BRD10: variants seen among roughly 807,000 people sequenced by gnomAD.
BRD10 encodes the protein uncharacterized bromodomain-containing protein 10.
At chr9:5,906,329 C>CAAAA in the BRD10 span, among the ~76,000 whole-genome samples, 4 of 132,576 alleles carry the variant, frequency 3.0e-5, no homozygotes, top group South Asian at 2.4e-4. Flanking sequence ...GACTCTGTCT[C>CAAAA]AAAAAAAAAA....
chr9:5,968,196 T>C, the BRD10 span: 1 of 1,612,746 alleles, frequency 6.2e-7, no homozygotes, highest in Middle Eastern at 1.7e-4. Flanking sequence ...GCCCTCATTT[T>C]AGTTAGTTTG....
chr9:6,005,356 C>A, the BRD10 span, among the ~76,000 whole-genome samples: 1 of 151,202 alleles, frequency 6.6e-6, no homozygotes, highest in Admixed American at 6.6e-5. Context: ...ACCAAAAATA[C>A]GAAGATTAGC....
At chr9:5,976,576 T>A in the BRD10 span, among the ~76,000 whole-genome samples, 1 of 152,180 alleles carries the variant, frequency 6.6e-6, no homozygotes, top group East Asian at 1.9e-4. Context: ...TTATAAAACA[T>A]CTCAGACTGT....
At chr9:5,918,815 CAAA>C in the BRD10 span, among the ~76,000 whole-genome samples, 127 of 104,842 alleles carry the variant, frequency 1.2e-3, no homozygotes, top group African/African-American at 3.0e-3. Context: ...ACAGGTGAGT[CAAA>C]AAAAAAAAAA....
At chr9:5,921,334 T>G in the BRD10 span, 5 of 1,613,874 alleles carry the variant, frequency 3.1e-6, no homozygotes, top group African/African-American at 6.7e-5. Context: ...GTGTGCCCAC[T>G]GTAGACGGAA....
the BRD10 span, chr9:5,928,993 G>C: frequency 1.0e-6 from 1 of 981,186 alleles, no homozygotes; most frequent in Non-Finnish European, 1.6e-6. Flanking sequence ...TCCAAAAATC[G>C]TAAATTAAGG....
the BRD10 span, among the ~76,000 whole-genome samples, chr9:5,978,353 GA>G: frequency 1.6e-5 from 2 of 121,968 alleles, no homozygotes; most frequent in East Asian, 4.7e-4. Flanking sequence ...AAAGAGGTGA[GA>G]AAACATGGAC....
At chr9:5,988,483 T>C in the BRD10 span, 4 of 1,614,000 alleles carry the variant, frequency 2.5e-6, no homozygotes, top group Admixed American at 6.7e-5. Flanking sequence ...AGTTCCCTTC[T>C]CATCCTCCAA....
At chr9:5,952,303 G>C in the BRD10 span, among the ~76,000 whole-genome samples, 1 of 152,118 alleles carries the variant, frequency 6.6e-6, no homozygotes, top group Non-Finnish European at 1.5e-5. Context: ...TTACAGGTGT[G>C]AGCCACTGGG....
chr9:5,955,247 T>G, the BRD10 span, among the ~76,000 whole-genome samples: 1 of 151,468 alleles, frequency 6.6e-6, no homozygotes, highest in Non-Finnish European at 1.5e-5. Flanking sequence ...AACAAGGAAG[T>G]AAAAAATTAT....
chr9:6,001,271 T>C, the BRD10 span, among the ~76,000 whole-genome samples: 4 of 152,162 alleles, frequency 2.6e-5, no homozygotes, highest in African/African-American at 9.7e-5. Flanking sequence ...GTCCTTTCAC[T>C]TCTGCCTTCA....
the BRD10 span, chr9:5,919,750 A>C: frequency 1.2e-6 from 2 of 1,613,582 alleles, no homozygotes; most frequent in Non-Finnish European, 1.7e-6. Flanking sequence ...CAGACGCAGG[A>C]CTTCGACTGG....
At chr9:6,006,456 T>C in the BRD10 span, among the ~76,000 whole-genome samples, 1 of 152,242 alleles carries the variant, frequency 6.6e-6, no homozygotes, top group African/African-American at 2.4e-5. Context: ...ATACAATTAT[T>C]ATAAAACAAT....
At chr9:5,971,713 T>TTCAA in the BRD10 span, among the ~76,000 whole-genome samples, 2 of 152,252 alleles carry the variant, frequency 1.3e-5, no homozygotes, top group South Asian at 4.1e-4. Context: ...CAAATGTGCT[T>TTCAA]AGAGTTTTAT....
At chr9:6,008,246 T>C in the BRD10 span, 1 of 981,966 alleles carries the variant, frequency 1.0e-6, no homozygotes. Flanking sequence ...CTCCGGCTCC[T>C]CCTCTCCCTC....
At chr9:5,946,596 T>G in the BRD10 span, among the ~76,000 whole-genome samples, 2 of 152,080 alleles carry the variant, frequency 1.3e-5, no homozygotes, top group African/African-American at 4.8e-5. Flanking sequence ...TCTACTATTA[T>G]GATGACGGTG....
At chr9:5,903,402 T>C in the BRD10 span, among the ~76,000 whole-genome samples, 2 of 152,218 alleles carry the variant, frequency 1.3e-5, no homozygotes, top group African/African-American at 4.8e-5. Flanking sequence ...TATTGTTAGG[T>C]TTGATTTGCT....
At chr9:5,917,661 G>A in the BRD10 span, among the ~76,000 whole-genome samples, 7 of 152,244 alleles carry the variant, frequency 4.6e-5, no homozygotes, top group Non-Finnish European at 4.4e-5. Flanking sequence ...AGACCAGCCT[G>A]ACCAATATGG....
the BRD10 span, chr9:5,919,531 A>G: frequency 4.4e-5 from 19 of 435,992 alleles, no homozygotes; most frequent in Non-Finnish European, 6.2e-5. Context: ...AGCTAATGAA[A>G]AGATACATTA....
Sources: allele counts gnomAD v4.1 joint callset (sites outside exome capture counted in the v4.1 genomes callset), GRCh38; gene constraint gnomAD v4.1.1; transcripts MANE v1.5; gene names NCBI Gene and HGNC (gene_info 2026-07-23, HGNC 2026-07-21).